The following TMF1 variants were observed in gnomAD, a reference collection of about 807,000 sequenced individuals.
TMF1 encodes the protein TATA element modulatory factor 1.
A neutral mutation model predicts 126.5 loss-of-function variants in TMF1; 71 were observed. The ratio of observed to expected loss-of-function variants is 0.56; its 90% CI spans 0.46 to 0.68. The LOEUF is 0.68. Ranked by LOEUF, TMF1 falls within the 30% of genes least tolerant of loss-of-function variation. The pLI, the probability that TMF1 is intolerant of heterozygous loss-of-function variation, is 0.00. For missense variants in TMF1, 1,259 were observed against 1,253.2 expected, an observed-to-expected ratio of 1.00 and a Z score of -0.07; for synonymous variants, 461 against 430.5, an observed-to-expected ratio of 1.07 and a Z score of -0.88.
At chr3:69,047,206 C>T (rs2091900048) in intron 2 of TMF1, 152 bp downstream of exon 2, 2 of 831,080 alleles carry the variant, frequency 2.4e-6, no homozygotes, top group Non-Finnish European at 3.5e-6. Flanking sequence ...AATTGTTCAA[C>T]TTCAAGGTAC....
Position 69,047,817 on chromosome 3 carries a change from G to C in TMF1, c.888C>G (p.Leu296=). Residue 296 remains leucine (L), a synonymous_variant, in exon 2 of 17, where the codon CTC becomes CTG. Transcript: ENST00000398559. The part of the protein sequence containing the change: ...LHLMQTSFQL[L]SASACPEYNR... The stretch of plus-strand genomic sequence containing the variant: ...TATATTCAGGACAAGCAGATGCAGA[G>C]AGAAGCTGAAAAGATGTCTGCATCA... 6.2e-7 allele frequency: 1 copy of C among 1,614,068 alleles called. No homozygotes were observed. Among genetic ancestry groups the C allele is most frequent in the South Asian group, 1.1e-5 (1 of 91,078 alleles).
In TMF1 at chr3:69,039,568, A is replaced by G; in HGVS notation, c.1810T>C (p.Leu604=). ...NKKVKELEEE[L]QHLKQVLDGK... is the part of the protein sequence containing the mutation. Reference sequence around the variant, plus strand: ...CTATTCACCTGTTTCAAATGCTGCAACTCCTCTTCTAGCTCTTTAACTTTT... The same window carrying G: ...CTATTCACCTGTTTCAAATGCTGCAGCTCCTCTTCTAGCTCTTTAACTTTT... The change falls in exon 6 of 17, where the codon TTG becomes CTG. Residue 604 remains leucine, a synonymous_variant. Transcript: ENST00000398559. The G allele has an allele frequency of 6.2e-7, 1 of 1,610,852 alleles. No homozygotes were observed. The highest frequency in any genetic ancestry group is 8.5e-7 in the Non-Finnish European group (1 of 1,179,098).
chr3:69,040,512 A>G (rs1400379027), intron 5 of TMF1: 1 of 152,260 alleles, frequency 6.6e-6, no homozygotes, highest in Non-Finnish European at 1.5e-5. Context: ...ATGTATGTGC[A>G]GAAAGATATG....
Position 69,038,967 on chromosome 3 carries a change from T to C in TMF1, c.1870A>G (p.Asn624Asp), listed in dbSNP as rs1250085796. ...ACCATGGAATTTAGTTTTTTAATAT[T>C]TTCTCTATGTTGTTTCTCAACCTCT... ...KEEVEKQHRE[N>D]IKKLNSMVER... Residue 624 changes from asparagine to aspartate, a missense_variant, in exon 7 of 17, where the codon AAT becomes GAT. Coordinates refer to ENST00000398559, the MANE Select transcript of TMF1 (RefSeq NM_007114.3). 1.2e-6 allele frequency: 2 copies of C among 1,607,852 alleles called. No homozygotes were observed. Among genetic ancestry groups the C allele is most frequent in the African/African-American group, 2.7e-5 (2 of 74,476 alleles).
rs774547838 is a variant in TMF1 at position 69,047,807 on chromosome 3, C to G, written c.898G>C (p.Ala300Pro). ...TCTAAACGATTATATTCAGGACAAG[C>G]AGATGCAGAGAGAAGCTGAAAAGAT... is the stretch of plus-strand genomic sequence containing the variant. ...QTSFQLLSAS[A>P]CPEYNRLDDF... Residue 300 changes from alanine to proline, a missense_variant, in exon 2 of 17, where the codon GCT (alanine) becomes CCT (proline). By Grantham distance (27) the Ala-to-Pro change is conservative. Transcript: ENST00000398559. 6.2e-7 allele frequency: 1 copy of G among 1,614,062 alleles called. No homozygotes were observed. Among genetic ancestry groups the G allele is most frequent in the Admixed American group, 1.7e-5 (1 of 60,008 alleles).
intron 4 of TMF1, 124 bp downstream of exon 4, chr3:69,043,626 G>T: frequency 2.1e-6 from 2 of 961,492 alleles, no homozygotes; most frequent in Non-Finnish European, 3.0e-6. Context: ...CAATTTAAAT[G>T]TTAATAGATG....
chr3:69,040,925 A>G (rs2091860745), intron 5 of TMF1, among the ~76,000 whole-genome samples: 1 of 152,046 alleles, frequency 6.6e-6, no homozygotes, highest in Non-Finnish European at 1.5e-5. Flanking sequence ...CTGTTTCAAA[A>G]AAAAAAAAAA....
At chr3:69,046,312 C>A (rs1472930375) in intron 2 of TMF1, among the ~76,000 whole-genome samples, 2 of 151,752 alleles carry the variant, frequency 1.3e-5, no homozygotes, top group Non-Finnish European at 2.9e-5. Context: ...ATAGTCTTAC[C>A]TGAGTTTGGT....
intron 2 of TMF1, among the ~76,000 whole-genome samples, chr3:69,046,831 A>G (rs2091898335): frequency 6.6e-6 from 1 of 152,240 alleles, no homozygotes; most frequent in African/African-American, 2.4e-5. Context: ...CTGAAGCAAT[A>G]TAAGGATATA....
In TMF1 at chr3:69,035,100, G is replaced by A; in HGVS notation, c.2167C>T (p.Leu723Phe). ...GCTTGTTCTGTACGCTGCAATGCAA[G>A]CCTAAGGTCCCCCACCTGTAGGAGG... ...TLAIQVGDLR[L>F]ALQRTEQAAA... is the part of the protein sequence containing the mutation. The change falls in exon 9 of 17, where the codon CTT (leucine) becomes TTT (phenylalanine). Residue 723 changes from leucine to phenylalanine, a missense_variant. By Grantham distance (22) the Leu-to-Phe change is conservative. Coordinates refer to ENST00000398559, the MANE Select transcript of TMF1 (RefSeq NM_007114.3). 1 of 1,614,076 alleles carries A rather than the reference G, an allele frequency of 6.2e-7. No homozygotes were observed. The highest frequency in any genetic ancestry group is 2.2e-5 in the East Asian group (1 of 44,874).
In TMF1 at chr3:69,052,129, G is replaced by T; in HGVS notation, c.-43C>A. ...CAGTGGCGGCGGCAGCACCAAGCGG[G>T]AAGGCCTCAGGCCTGGGGAAGGGTG... is the stretch of plus-strand genomic sequence containing the variant. On this transcript the variant is annotated 5_prime_UTR_variant, in exon 1 of 17. Coordinates refer to ENST00000398559, the MANE Select transcript of TMF1 (RefSeq NM_007114.3). 1 of 1,585,928 alleles carries T rather than the reference G, an allele frequency of 6.3e-7. No individual in the cohort carries two copies.
chr3:69,030,727 A>T (rs2091796437), intron 10 of TMF1: 1 of 152,270 alleles, frequency 6.6e-6, no homozygotes, highest in Non-Finnish European at 1.5e-5. Flanking sequence ...AATTAAAATC[A>T]TAATGAGATA....
chr3:69,048,159 A>G lies in TMF1; in HGVS notation c.546T>C (p.Asn182=), dbSNP rs2091906705. Residue 182 remains asparagine, a synonymous_variant, in exon 2 of 17, where the codon AAT becomes AAC. Coordinates refer to ENST00000398559, the MANE Select transcript of TMF1 (RefSeq NM_007114.3). Reference sequence around the variant, plus strand: ...TTGGCACCTTCATATCCGATTCTTTATTAACAGTTTCTTCGTGCTTGCCTT... The same window carrying G: ...TTGGCACCTTCATATCCGATTCTTTGTTAACAGTTTCTTCGTGCTTGCCTT... ...KTEGKHEETV[N]KESDMKVPTV... The G allele has an allele frequency of 5.0e-6, 8 of 1,614,176 alleles. No individual in the cohort carries two copies. The highest frequency in any genetic ancestry group is 6.8e-6 in the Non-Finnish European group (8 of 1,180,046).
chr3:69,049,589 G>T (rs1232140345), intron 1 of TMF1, among the ~76,000 whole-genome samples: 1 of 152,042 alleles, frequency 6.6e-6, no homozygotes, highest in Non-Finnish European at 1.5e-5. Context: ...AAATTACAAG[G>T]TCATTATAAA....
intron 9 of TMF1, 200 bp from the exon 10 acceptor site, chr3:69,033,904 C>T (rs1260656184): frequency 4.5e-6 from 2 of 447,784 alleles, no homozygotes; most frequent in Non-Finnish European, 7.7e-6. Context: ...AATCGTGGCT[C>T]ACTGTAGCCT....
At chr3:69,044,451 C>A in intron 3 of TMF1, 41 bp downstream of exon 3, 2 of 1,180,524 alleles carry the variant, frequency 1.7e-6, no homozygotes, top group South Asian at 1.4e-5. Flanking sequence ...TACAGGTTTC[C>A]AGAAAATGTG....
intron 1 of TMF1, among the ~76,000 whole-genome samples, chr3:69,049,869 T>C (rs2107471804): frequency 6.6e-6 from 1 of 152,250 alleles, no homozygotes; most frequent in South Asian, 2.1e-4. Flanking sequence ...CTGAACAAAA[T>C]ATTCACAAAA....
In TMF1 at chr3:69,046,123, C is replaced by A. The variant is rs139430861; in HGVS notation, c.1347+1235G>T. The stretch of plus-strand genomic sequence containing the variant: ...GACCCTGTCTCATTCATACATACAT[C>A]CATCCACACTAAAAGTAATTTTAGA... On this transcript the variant is annotated intron_variant, in intron 2 of 16. Coordinates refer to ENST00000398559, the MANE Select transcript of TMF1 (RefSeq NM_007114.3). Among the ~76,000 whole-genome samples the A allele has an allele frequency of 5.4e-3, 829 of 152,228 alleles. 8 individuals carry two copies. Among genetic ancestry groups the A allele is most frequent in the African/African-American group, 0.019 (771 of 41,536 alleles).
At chr3:69,033,854 G>A (rs901716401) in intron 9 of TMF1, 150 bp from the exon 10 acceptor site, 35 of 729,946 alleles carry the variant, frequency 4.8e-5, no homozygotes, top group African/African-American at 4.0e-4. Flanking sequence ...TTTTAGAAAC[G>A]GGGTCCCGCT....
Sources: allele counts gnomAD v4.1 joint callset (sites outside exome capture counted in the v4.1 genomes callset), GRCh38; gene constraint gnomAD v4.1.1; transcripts MANE v1.5; gene names NCBI Gene and HGNC (gene_info 2026-07-23, HGNC 2026-07-21).